ADAMTS2: variants seen among roughly 807,000 people sequenced by gnomAD.
The protein encoded by ADAMTS2 is ADAM metallopeptidase with thrombospondin type 1 motif 2, also known as A disintegrin and metalloproteinase with thrombospondin motifs 2.
In ADAMTS2, 50 loss-of-function variants were observed where a neutral mutation model predicts 123.0. The ratio of observed to expected loss-of-function variants is 0.41; its 90% CI spans 0.32 to 0.51. The LOEUF (loss-of-function observed/expected upper bound fraction) is 0.51, where lower values mean the gene tolerates loss of function less well. ADAMTS2 is among the 20% of genes least tolerant of loss of function. The probability of loss-of-function intolerance (pLI) is 0.35; values close to 1 mark genes in which losing one functional copy is unlikely to be tolerated. For missense variants in ADAMTS2, 1,494 were observed against 1,705.2 expected, an observed-to-expected ratio of 0.88 and a Z score of 2.18; for synonymous variants, 678 against 695.4, an observed-to-expected ratio of 0.98 and a Z score of 0.39.
intron 3 of ADAMTS2, among the ~76,000 whole-genome samples, chr5:179,224,388 T>C (rs1431531496): frequency 6.6e-6 from 1 of 152,232 alleles, no homozygotes; most frequent in Non-Finnish European, 1.5e-5. Flanking sequence ...TGTGGGTCCC[T>C]GCTAGGCTGG....
At chr5:179,199,638 T>C (rs11747650) in intron 4 of ADAMTS2, among the ~76,000 whole-genome samples, 21,579 of 152,088 alleles carry the variant, frequency 0.14, 1,685 homozygotes, top group South Asian at 0.23. Context: ...GGGGGTGCAC[T>C]CACTCTGCTA....
At chr5:179,204,528 T>C (rs1764633776) in intron 4 of ADAMTS2, among the ~76,000 whole-genome samples, 1 of 152,212 alleles carries the variant, frequency 6.6e-6, no homozygotes, top group South Asian at 2.1e-4. Flanking sequence ...GGAAGCTCTG[T>C]CGCACAGCAG....
In ADAMTS2 at chr5:179,128,043, C is replaced by G. The variant is rs76488852; in HGVS notation, c.2533G>C (p.Asp845His). 1.1e-5 allele frequency: 18 copies of G among 1,613,860 alleles called. No individual in the cohort carries two copies. The highest frequency in any genetic ancestry group is 1.5e-5 in the Non-Finnish European group (18 of 1,179,930). The change falls in exon 17 of 22, where the codon GAC (aspartate) becomes CAC (histidine). Residue 845 changes from aspartate (D) to histidine (H), a missense_variant. Transcript: ENST00000251582. The surrounding 1 kb of genome is among the most constrained non-coding windows in gnomAD (Gnocchi z 4.9). ...MIHEDSLNVD[D>H]NNVLEEDSVV... The stretch of plus-strand genomic sequence containing the variant: ...GAGTCCTCTTCCAGGACGTTGTTGT[C>G]GTCGACATTCAGTGAGTCCTCATGG...
chr5:179,308,283 C>G lies in ADAMTS2; in HGVS notation c.535-35219G>C, dbSNP rs983943073. On this transcript the variant is annotated intron_variant, in intron 2 of 21. Transcript: ENST00000251582. This position sits in a 1 kb window ranked among gnomAD's most constrained non-coding sequence, Gnocchi z 6.6. The stretch of plus-strand genomic sequence containing the variant: ...ACAATTGTCTTAGCAGCAGGAGACG[C>G]TGATGGGATGTCGGGAGTCACCAGG... Among the ~76,000 whole-genome samples, 14 of 152,208 alleles carry G rather than the reference C, an allele frequency of 9.2e-5. No homozygotes were observed. The highest frequency in any genetic ancestry group is 9.2e-4 in the Admixed American group (14 of 15,286).
chr5:179,227,807 G>A (rs993915265), intron 3 of ADAMTS2, among the ~76,000 whole-genome samples: 2 of 151,702 alleles, frequency 1.3e-5, no homozygotes, highest in Admixed American at 6.5e-5. Context: ...GGCCGAGGCC[G>A]GGAGGAGGGC....
chr5:179,151,915 T>C (rs1763364537), intron 10 of ADAMTS2, among the ~76,000 whole-genome samples: 1 of 152,154 alleles, frequency 6.6e-6, no homozygotes, highest in Non-Finnish European at 1.5e-5. Flanking sequence ...TGAAGCACCA[T>C]GAGGAACTCT....
chr5:179,171,523 C>A (rs940635239), intron 5 of ADAMTS2, among the ~76,000 whole-genome samples: 2 of 152,204 alleles, frequency 1.3e-5, no homozygotes, highest in Admixed American at 6.5e-5. Context: ...AGCCCAGAAC[C>A]CCCCAGAGAA....
intron 3 of ADAMTS2, among the ~76,000 whole-genome samples, chr5:179,270,687 C>T (rs1271418725): frequency 6.6e-6 from 1 of 152,220 alleles, no homozygotes; most frequent in Non-Finnish European, 1.5e-5. Context: ...CCTGAGGTCA[C>T]CGTGGGCCCT....
At position 179,188,504 on chromosome 5, in the gene ADAMTS2, G is replaced by A. The variant is rs1764225233; in HGVS notation, c.892-7349C>T. On this transcript the variant is annotated intron_variant, in intron 4 of 21. Transcript: ENST00000251582. This position sits in a 1 kb window ranked among gnomAD's most constrained non-coding sequence, Gnocchi z 5.1. ...GCCTGGGCTTATCATGAGAATCAAC[G>A]TTCCCATTGCAGATCTTCTTCACCC... is the stretch of plus-strand genomic sequence containing the variant. Among the ~76,000 whole-genome samples the A allele has an allele frequency of 6.6e-6, 1 of 152,222 alleles. No individual in the cohort carries two copies. Among genetic ancestry groups the A allele is most frequent in the Non-Finnish European group, 1.5e-5 (1 of 68,024 alleles).
At chr5:179,192,382 C>T (rs539895071) in intron 4 of ADAMTS2, among the ~76,000 whole-genome samples, 32 of 152,336 alleles carry the variant, frequency 2.1e-4, no homozygotes, top group African/African-American at 5.5e-4. Context: ...GATGTTCCAG[C>T]GCCTCTTGGG....
intron 2 of ADAMTS2, among the ~76,000 whole-genome samples, chr5:179,329,139 A>C (rs911228824): frequency 2.6e-5 from 4 of 151,942 alleles, no homozygotes; most frequent in Non-Finnish European, 4.4e-5. Context: ...CATCCTGGCT[A>C]ACACGGTGAA....
At chr5:179,287,554 AG>A (rs1756056320) in intron 2 of ADAMTS2, among the ~76,000 whole-genome samples, 1 of 152,214 alleles carries the variant, frequency 6.6e-6, no homozygotes, top group Non-Finnish European at 1.5e-5. Context: ...ACTGCACCCC[AG>A]AATTTTCTGG....
At chr5:179,147,130 C>T (rs1436419756) in intron 10 of ADAMTS2, among the ~76,000 whole-genome samples, 1 of 152,186 alleles carries the variant, frequency 6.6e-6, no homozygotes, top group Non-Finnish European at 1.5e-5. Flanking sequence ...ACTCTGTCGT[C>T]CAGGCTGGAG....
intron 3 of ADAMTS2, among the ~76,000 whole-genome samples, chr5:179,236,497 C>T (rs1235025031): frequency 1.3e-5 from 2 of 151,364 alleles, no homozygotes; most frequent in African/African-American, 2.5e-5. Flanking sequence ...GATAAAGAAT[C>T]GTTTAAAAAG....
chr5:179,192,221 G>A (rs1008712420), intron 4 of ADAMTS2, among the ~76,000 whole-genome samples: 1 of 152,224 alleles, frequency 6.6e-6, no homozygotes, highest in Non-Finnish European at 1.5e-5. Context: ...CCTGGGCAGG[G>A]GCCCCCAAGG....
At chr5:179,293,967 A>G (rs166031) in intron 2 of ADAMTS2, among the ~76,000 whole-genome samples, 38,827 of 151,828 alleles carry the variant, frequency 0.26, 5,868 homozygotes, top group South Asian at 0.37. Context: ...GTATTTGTGC[A>G]TCTCAAACAT....
rs1765699151 is a variant in ADAMTS2, at chr5:179,242,811, T to C, written c.688+30100A>G. Among the ~76,000 whole-genome samples, 1 of 152,100 alleles carries C rather than the reference T, an allele frequency of 6.6e-6. No individual in the cohort carries two copies. The highest frequency in any genetic ancestry group is 6.5e-5 in the Admixed American group (1 of 15,274). On this transcript the variant is annotated intron_variant, in intron 3 of 21. Coordinates refer to ENST00000251582, the MANE Select transcript of ADAMTS2 (RefSeq NM_014244.5). This position sits in a 1 kb window ranked among gnomAD's most constrained non-coding sequence, Gnocchi z 4.2. ...CACCAGGATAGATGGGCCACCAGCG[T>C]TTCTCATCATCTCCAACTCCCAGTG...
chr5:179,139,792 G>A, intron 11 of ADAMTS2, 98 bp downstream of exon 11: 2 of 1,557,704 alleles, frequency 1.3e-6, no homozygotes, highest in Non-Finnish European at 8.7e-7. Flanking sequence ...GAACTGGTGT[G>A]CAGCCACAGG....
At chr5:179,298,692 G>C (rs973367833) in intron 2 of ADAMTS2, among the ~76,000 whole-genome samples, 1 of 152,102 alleles carries the variant, frequency 6.6e-6, no homozygotes, top group African/African-American at 2.4e-5. Flanking sequence ...GAGGGGTTGA[G>C]GGGGAGGCAT....
Sources: gnomAD v4.1 joint callset for allele counts (sites outside exome capture counted in the v4.1 genomes callset) on GRCh38, gnomAD v4.1.1 for gene constraint, Gnocchi (gnomAD v3.1) non-coding constraint, MANE v1.5 for transcripts, NCBI Gene and HGNC (gene_info 2026-07-23, HGNC 2026-07-21) for gene names.